The following BAMBI variants were observed in gnomAD, a reference collection of about 807,000 sequenced individuals.
The protein encoded by BAMBI is BMP and activin membrane bound inhibitor.
BAMBI carries 21 observed loss-of-function variants against 24.1 expected under a neutral mutation model. That is an observed-to-expected ratio of 0.87 (90% CI 0.62 to 1.26). The LOEUF is 1.26. Ranked by LOEUF, BAMBI falls within the 50% of genes most tolerant of loss-of-function variation. The probability of loss-of-function intolerance (pLI) is 0.00; values close to 1 mark genes in which losing one functional copy is unlikely to be tolerated. For synonymous variants in BAMBI, 156 were observed against 123.1 expected (o/e 1.27, Z -1.77); for missense variants, 388 against 329.1 (o/e 1.18, Z -1.38).
At chr10:28,681,831 T>G (rs1263170970) in intron 2 of BAMBI, 152 bp from the exon 3 acceptor site, 3 of 860,368 alleles carry the variant, frequency 3.5e-6, no homozygotes, top group Non-Finnish European at 5.3e-6. Flanking sequence ...TTTGTAAGCT[T>G]CTTCAGATAG....
intron 1 of BAMBI, among the ~76,000 whole-genome samples, chr10:28,680,822 C>G (rs769585182): frequency 1.3e-5 from 2 of 152,126 alleles, no homozygotes; most frequent in Non-Finnish European, 2.9e-5. Flanking sequence ...GCTCTTAACT[C>G]TTGGTGCAGT....
rs1197663936 is a variant in BAMBI at position 28,681,394 on chromosome 10, C to G, written c.213C>G (p.Asp71Glu). Residue 71 changes from aspartate to glutamate, a missense_variant, in exon 2 of 3, where the codon GAC becomes GAG. Transcript: ENST00000375533. Reference protein sequence around the residue: ...SNSPLTHGCLDSLASTTDICQ... With the variant: ...SNSPLTHGCLESLASTTDICQ... Reference sequence around the variant, plus strand: ...CCCCACTCACCCATGGCTGCCTGGACTCTCTTGCAAGCACGACAGACATCT... The same window carrying G: ...CCCCACTCACCCATGGCTGCCTGGAGTCTCTTGCAAGCACGACAGACATCT... 6.2e-7 allele frequency: 1 copy of G among 1,614,086 alleles called. No homozygotes were observed. Among genetic ancestry groups the G allele is most frequent in the African/African-American group, 1.3e-5 (1 of 74,922 alleles).
chr10:28,680,327 T>A (rs553513044), intron 1 of BAMBI, among the ~76,000 whole-genome samples: 3 of 152,312 alleles, frequency 2.0e-5, no homozygotes, highest in Non-Finnish European at 4.4e-5. Flanking sequence ...AATCTTGCCC[T>A]GCGACAAAAT....
intron 1 of BAMBI, among the ~76,000 whole-genome samples, chr10:28,679,402 C>T (rs1028501154): frequency 3.3e-5 from 5 of 150,170 alleles, no homozygotes; most frequent in Non-Finnish European, 4.4e-5. Flanking sequence ...CATTGTTCCA[C>T]AGTTTCAAAA....
At chr10:28,679,683 G>C (rs1834477607) in intron 1 of BAMBI, among the ~76,000 whole-genome samples, 1 of 152,170 alleles carries the variant, frequency 6.6e-6, no homozygotes, top group African/African-American at 2.4e-5. Flanking sequence ...GAAGCTAATA[G>C]GGTCAAAATG....
At chr10:28,680,626 G>A (rs541013542) in intron 1 of BAMBI, among the ~76,000 whole-genome samples, 1 of 152,286 alleles carries the variant, frequency 6.6e-6, no homozygotes, top group Admixed American at 6.5e-5. Context: ...AAACTGCCTA[G>A]TTCCTGTTTT....
chr10:28,682,124 T>A lies in BAMBI; in HGVS notation c.506T>A (p.Ile169Asn), dbSNP rs756601230. 1 of 1,614,146 alleles carries A rather than the reference T, an allele frequency of 6.2e-7. No individual in the cohort carries two copies. The highest frequency in any genetic ancestry group is 2.2e-5 in the East Asian group (1 of 44,876). ...GGAGGGCTGATTTTAGTGTTGCTTA[T>A]TATGTTGGCCCTGAGGATGCTTCGA... ...IAGGLILVLLIMLALRMLRSE... is the reference protein window; with the variant it reads ...IAGGLILVLLNMLALRMLRSE... The change falls in exon 3 of 3, where the codon ATT becomes AAT. Residue 169 changes from isoleucine to asparagine, a missense_variant. Coordinates refer to ENST00000375533, the MANE Select transcript of BAMBI (RefSeq NM_012342.3).
At chr10:28,679,746 A>T (rs1331719981) in intron 1 of BAMBI, among the ~76,000 whole-genome samples, 1 of 152,216 alleles carries the variant, frequency 6.6e-6, no homozygotes, top group Non-Finnish European at 1.5e-5. Context: ...AATTTGTCAA[A>T]CTAGGGATAT....
rs553596397 is a variant in BAMBI, at chr10:28,678,001, G to A, written c.76+28G>A. The A allele has an allele frequency of 6.3e-4, 955 of 1,504,984 alleles. 4 individuals are homozygous for A. The highest frequency in any genetic ancestry group is 2.1e-3 in the South Asian group (169 of 80,822). The allele number at this position is 1,504,984 out of a possible 1,614,324, so 93.2% of individuals were successfully genotyped here. On this transcript the variant is annotated intron_variant, in intron 1 of 2. Coordinates refer to ENST00000375533, the MANE Select transcript of BAMBI (RefSeq NM_012342.3). Reference sequence around the variant, plus strand: ...GGGTGCCGGGGGCGCACGGGGCCCGGGGTCCCGTCCTCGCCGCGGGGCTTT... The same window carrying A: ...GGGTGCCGGGGGCGCACGGGGCCCGAGGTCCCGTCCTCGCCGCGGGGCTTT...
At chr10:28,678,032 C>G in intron 1 of BAMBI, 59 bp downstream of exon 1, 1 of 1,440,074 alleles carries the variant, frequency 6.9e-7, no homozygotes, top group Non-Finnish European at 9.3e-7. Context: ...GCTTTGGAGC[C>G]GGCTGCAGAG....
At chr10:28,681,139 C>A in intron 1 of BAMBI, 119 bp from the exon 2 acceptor site, 1 of 1,012,652 alleles carries the variant, frequency 9.9e-7, no homozygotes, top group Non-Finnish European at 1.4e-6. Context: ...TAGACTGGAG[C>A]CCTCAGCTTG....
In BAMBI at chr10:28,682,715, C is replaced by A; in HGVS notation, c.*314C>A. On this transcript the variant is annotated 3_prime_UTR_variant, in exon 3 of 3. Coordinates refer to ENST00000375533, the MANE Select transcript of BAMBI (RefSeq NM_012342.3). ...ACAAAAATGTGCCCTATGTAAGCTT[C>A]TACATCTTGATTTATTGTAAAGATT... 4.2e-6 allele frequency: 1 copy of A among 236,550 alleles called. No homozygotes were observed. The allele number at this position is 236,550 out of a possible 1,614,324, so 14.7% of individuals were successfully genotyped here.
At chr10:28,678,625 GA>G (rs1377008993) in intron 1 of BAMBI, among the ~76,000 whole-genome samples, 1 of 151,380 alleles carries the variant, frequency 6.6e-6, no homozygotes, top group East Asian at 2.0e-4. Context: ...TTGTATCTCT[GA>G]ATGTGCATCT....
Position 28,677,981 on chromosome 10 carries a change from C to T in BAMBI, c.76+8C>T. ...CCGTGCTGCTCACCAAAGGTGGGTG[C>T]CGGGGGCGCACGGGGCCCGGGGTCC... is the stretch of plus-strand genomic sequence containing the variant. On this transcript the variant is annotated splice_region_variant and intron_variant, in intron 1 of 2. Coordinates refer to ENST00000375533, the MANE Select transcript of BAMBI (RefSeq NM_012342.3). 1 of 1,515,174 alleles carries T rather than the reference C, an allele frequency of 6.6e-7. No individual in the cohort carries two copies. The highest frequency in any genetic ancestry group is 1.4e-5 in the African/African-American group (1 of 70,800). The allele number at this position is 1,515,174 out of a possible 1,614,324, so 93.9% of individuals were successfully genotyped here.
chr10:28,678,519 TTC>T (rs1420171473), intron 1 of BAMBI, among the ~76,000 whole-genome samples: 14 of 152,156 alleles, frequency 9.2e-5, no homozygotes, highest in African/African-American at 3.4e-4. Flanking sequence ...CTGTGTCTCT[TTC>T]TGAGTCTTTG....
Position 28,681,454 on chromosome 10 carries a change from C to T in BAMBI, c.273C>T (p.Thr91=), listed in dbSNP as rs767452438. ...QAKQARNHSG[T]TIPTLECCHE... ...AACAGGCCCGAAACCACTCTGGCAC[C>T]ACCATACCCACATTGGAATGCTGTC... Residue 91 remains threonine, a synonymous_variant, in exon 2 of 3, where the codon ACC becomes ACT. Coordinates refer to ENST00000375533, the MANE Select transcript of BAMBI (RefSeq NM_012342.3). The T allele has an allele frequency of 5.0e-6, 8 of 1,614,172 alleles. No homozygotes were observed. The highest frequency in any genetic ancestry group is 5.9e-6 in the Non-Finnish European group (7 of 1,180,028).
At chr10:28,679,313 C>T (rs1345758195) in intron 1 of BAMBI, among the ~76,000 whole-genome samples, 8 of 152,200 alleles carry the variant, frequency 5.3e-5, no homozygotes, top group Non-Finnish European at 1.5e-5. Flanking sequence ...GCAGTCTCTC[C>T]TGTAGCCATC....
chr10:28,681,685 T>G, intron 2 of BAMBI, 140 bp downstream of exon 2: 1 of 939,870 alleles, frequency 1.1e-6, no homozygotes, highest in Non-Finnish European at 1.6e-6. Context: ...GATGCAAAGA[T>G]GCATCTTGAT....
At chr10:28,680,985 T>C (rs1289182044) in intron 1 of BAMBI, among the ~76,000 whole-genome samples, 2 of 152,192 alleles carry the variant, frequency 1.3e-5, no homozygotes, top group Non-Finnish European at 2.9e-5. Context: ...TACTCATTAC[T>C]ATTTCCTTCA....
Sources: allele counts gnomAD v4.1 joint callset (sites outside exome capture counted in the v4.1 genomes callset), GRCh38; gene constraint gnomAD v4.1.1; transcripts MANE v1.5; gene names NCBI Gene and HGNC (gene_info 2026-07-23, HGNC 2026-07-21).